EIF2AK4: variants seen among roughly 807,000 people sequenced by gnomAD.
EIF2AK4 encodes eukaryotic translation initiation factor 2 alpha kinase 4.
A neutral mutation model predicts 211.1 loss-of-function variants in EIF2AK4; 139 were observed. That is an observed-to-expected ratio of 0.66 (90% CI 0.57 to 0.76). The LOEUF (loss-of-function observed/expected upper bound fraction) is 0.76. Ranked by LOEUF, EIF2AK4 falls within the 30% of genes least tolerant of loss-of-function variation. The pLI is 0.00. For missense variants in EIF2AK4, 1,664 were observed against 2,043.8 expected (o/e 0.81, Z 3.58); for synonymous variants, 710 against 751.3 (o/e 0.94, Z 0.90).
In EIF2AK4 at chr15:39,949,235, G is replaced by A. The variant is rs748931656; in HGVS notation, c.480G>A (p.Arg160=). 116 of 1,613,978 alleles carry A rather than the reference G, an allele frequency of 7.2e-5. No individual in the cohort carries two copies. The highest frequency in any genetic ancestry group is 9.5e-5 in the Non-Finnish European group (112 of 1,180,002). The change falls in exon 4 of 39, where the codon AGG becomes AGA. Residue 160 remains arginine (R), a synonymous_variant. Coordinates refer to ENST00000263791, the MANE Select transcript of EIF2AK4 (RefSeq NM_001013703.4). The part of the protein sequence containing the change: ...LERRAQEEQQ[R]LLEAKRKEEQ... Reference sequence around the variant, plus strand: ...GGCGGGCTCAGGAGGAGCAGCAGAGGCTGTTGGAGGCCAAGCGGAAAGAAG... The same window carrying A: ...GGCGGGCTCAGGAGGAGCAGCAGAGACTGTTGGAGGCCAAGCGGAAAGAAG...
At chr15:40,007,627 T>C (rs1595425607) in intron 24 of EIF2AK4, among the ~76,000 whole-genome samples, 2 of 152,358 alleles carry the variant, frequency 1.3e-5, no homozygotes, top group Admixed American at 1.3e-4. Flanking sequence ...TTGTTGTCAA[T>C]GAGGCACCCT....
chr15:40,034,028 CAAAA>C (rs1161664208), intron 37 of EIF2AK4, among the ~76,000 whole-genome samples: 2 of 68,956 alleles, frequency 2.9e-5, no homozygotes, highest in Non-Finnish European at 3.0e-5. Flanking sequence ...AACTCCATCT[CAAAA>C]AAAAAAAAAA....
Position 39,965,827 on chromosome 15 carries a change from A to G in EIF2AK4, c.1001A>G (p.Asp334Gly), listed in dbSNP as rs781576795. The change falls in exon 8 of 39, where the codon GAT becomes GGT. Residue 334 changes from aspartate (D) to glycine (G), a missense_variant. Asp to Gly is a moderately conservative substitution (Grantham distance 94, BLOSUM62 -1). This residue lies in a region of EIF2AK4 where 641 missense variants were observed against 729.6 expected (regional missense o/e 0.88). Coordinates refer to ENST00000263791, the MANE Select transcript of EIF2AK4 (RefSeq NM_001013703.4). ...ACCAGTCAAGAAAAAGAGAAGATTG[A>G]TAAGTGCAAAAAGCAGGTAAGCATC... ...FLTSQEKEKI[D>G]KCKKQIQGTE... 7.4e-6 allele frequency: 12 copies of G among 1,613,908 alleles called. No individual in the cohort carries two copies. The highest frequency in any genetic ancestry group is 6.7e-5 in the East Asian group (3 of 44,904).
intron 37 of EIF2AK4, among the ~76,000 whole-genome samples, chr15:40,033,580 A>G (rs1173779651): frequency 6.6e-6 from 1 of 152,240 alleles, no homozygotes; most frequent in East Asian, 1.9e-4. Context: ...AAATTAAATT[A>G]GATTAATAGT....
At chr15:40,034,047 A>T (rs891391594) in intron 37 of EIF2AK4, among the ~76,000 whole-genome samples, 4 of 151,460 alleles carry the variant, frequency 2.6e-5, no homozygotes, top group South Asian at 2.1e-4. Context: ...AAAAAAAAAA[A>T]GTAAACGGTA....
Position 39,973,636 on chromosome 15 carries a change from C to A in EIF2AK4, c.1705C>A (p.Arg569=), listed in dbSNP as rs367620475. Residue 569 remains arginine (R), a synonymous_variant, in exon 11 of 39, where the codon CGG becomes AGG. Coordinates refer to ENST00000263791, the MANE Select transcript of EIF2AK4 (RefSeq NM_001013703.4). Reference sequence around the variant, plus strand: ...TGTTGAGACTGTTATTCCTAGCAACCGGCTACCCAGTGCTGCCTTCTTTAG... The same window carrying A: ...TGTTGAGACTGTTATTCCTAGCAACAGGCTACCCAGTGCTGCCTTCTTTAG... The part of the protein sequence containing the change: ...DYVETVIPSN[R]LPSAAFFSET... 8 of 1,613,976 alleles carry A rather than the reference C, an allele frequency of 5.0e-6. No individual in the cohort carries two copies. In the South Asian group the frequency reaches 6.6e-5, roughly 13 times the overall value.
intron 38 of EIF2AK4, 82 bp from the exon 39 acceptor site, chr15:40,034,945 A>T: frequency 9.1e-7 from 1 of 1,097,316 alleles, no homozygotes; most frequent in Non-Finnish European, 1.3e-6. Context: ...TAAAGCTCCT[A>T]CAGGTGTTAT....
At chr15:40,007,208 CA>C (rs1040721562) in intron 24 of EIF2AK4, 143 bp downstream of exon 24, 53 of 756,244 alleles carry the variant, frequency 7.0e-5, no homozygotes, top group Middle Eastern at 3.8e-4. Flanking sequence ...GAATATGAAC[CA>C]GAAGCCCAGC....
chr15:40,034,498 G>C (rs878902807), intron 38 of EIF2AK4, 54 bp downstream of exon 38: 2 of 1,363,574 alleles, frequency 1.5e-6, no homozygotes, highest in Non-Finnish European at 2.1e-6. Flanking sequence ...TCAGGGCGGG[G>C]GGTTTCAGAG....
At chr15:39,951,946 C>A (rs1432540383) in intron 4 of EIF2AK4, among the ~76,000 whole-genome samples, 1 of 152,134 alleles carries the variant, frequency 6.6e-6, no homozygotes, top group African/African-American at 2.4e-5. Context: ...ATGATCTGTT[C>A]AACTCATCTG....
At position 39,939,550 on chromosome 15, in the gene EIF2AK4, C is replaced by T; in HGVS notation, c.190C>T (p.Leu64=). The T allele has an allele frequency of 6.2e-7, 1 of 1,612,846 alleles. No individual in the cohort carries two copies. Residue 64 remains leucine, a synonymous_variant, in exon 2 of 39, where the codon CTA becomes TTA. Transcript: ENST00000263791. ...CAATTTAGTTTTGTACCCTCAAGGC[C>T]TAACTGGTGAAGAAGTATATGTAAA... The part of the protein sequence containing the change: ...EINLVLYPQG[L]TGEEVYVKVD...
chr15:39,965,544 A>G (rs192862393), intron 7 of EIF2AK4, 142 bp from the exon 8 acceptor site: 2 of 925,512 alleles, frequency 2.2e-6, no homozygotes, highest in East Asian at 2.5e-5. Flanking sequence ...ACAAAAGGAC[A>G]TTATTACATA....
rs775764964 is a variant in EIF2AK4 at position 39,934,324 on chromosome 15, G to T, written c.129G>T (p.Pro43=). The stretch of plus-strand genomic sequence containing the variant: ...GCGCGGACTTCCAAGACCTGCGGCC[G>T]GACGCTTGCGGACCGGTAGGAACGT... The part of the protein sequence containing the change: ...IYGADFQDLR[P]DACGPVKEPP... Residue 43 remains proline, a synonymous_variant, in exon 1 of 39, where the codon CCG becomes CCT. Coordinates refer to ENST00000263791, the MANE Select transcript of EIF2AK4 (RefSeq NM_001013703.4). The T allele has an allele frequency of 6.2e-7, 1 of 1,609,298 alleles. No individual in the cohort carries two copies. The highest frequency in any genetic ancestry group is 8.5e-7 in the Non-Finnish European group (1 of 1,178,038).
chr15:40,014,201 T>G (rs1297575840), intron 27 of EIF2AK4, among the ~76,000 whole-genome samples: 1 of 152,218 alleles, frequency 6.6e-6, no homozygotes, highest in African/African-American at 2.4e-5. Context: ...CCTGTGGCTT[T>G]GCAGGGTACA....
At chr15:39,975,560 T>A (rs909033712) in intron 11 of EIF2AK4, 3 of 152,286 alleles carry the variant, frequency 2.0e-5, no homozygotes, top group Non-Finnish European at 4.4e-5. Flanking sequence ...TTTCAGTGAA[T>A]AAGACTCTGT....
intron 4 of EIF2AK4, among the ~76,000 whole-genome samples, chr15:39,953,270 G>A (rs1446121932): frequency 6.6e-6 from 1 of 152,138 alleles, no homozygotes. Context: ...TTTGGGGTGT[G>A]TTTTTACACA....
chr15:40,017,519 A>ATG lies in EIF2AK4; in HGVS notation c.4065+278_4065+279insGT, dbSNP rs1374725740. Among the ~76,000 whole-genome samples, 42 of 14,782 alleles carry ATG rather than the reference A, an allele frequency of 2.8e-3. 1 individual carries two copies. The highest frequency in any genetic ancestry group is 0.012 in the African/African-American group (40 of 3,426). The allele number at this position is 14,782 out of a possible 152,430, so 9.7% of individuals were successfully genotyped here. On this transcript the variant is annotated intron_variant, in intron 29 of 38. Transcript: ENST00000263791. ...TCTGTTTCTATATATATATATATAT[A>ATG]TATATATATATATATATATATATAT...
chr15:39,992,602 G>A (rs944643482), intron 17 of EIF2AK4, 167 bp from the exon 18 acceptor site: 10 of 626,368 alleles, frequency 1.6e-5, no homozygotes, highest in Admixed American at 8.4e-5. Flanking sequence ...GTGGCCATAC[G>A]TGACTTATGG....
intron 15 of EIF2AK4, 33 bp downstream of exon 15, chr15:39,988,138 T>C (rs1165059790): frequency 6.2e-7 from 1 of 1,606,152 alleles, no homozygotes; most frequent in Non-Finnish European, 8.5e-7. Flanking sequence ...TCTGAAGACT[T>C]ATGTTTACAT....
Sources: gnomAD v4.1 joint callset for allele counts (sites outside exome capture counted in the v4.1 genomes callset) on GRCh38, gnomAD v4.1.1 for gene constraint, gnomAD v4.1.1 regional missense constraint, MANE v1.5 for transcripts, NCBI Gene and HGNC (gene_info 2026-07-23, HGNC 2026-07-21) for gene names.